The following PLEKHO2 variants were observed in gnomAD, a reference collection of about 807,000 sequenced individuals.
PLEKHO2 encodes the protein pleckstrin homology domain-containing family O member 2.
PLEKHO2 carries 20 observed loss-of-function variants against 32.7 expected under a neutral mutation model. The ratio of observed to expected loss-of-function variants is 0.61; its 90% CI spans 0.43 to 0.89. The LOEUF (loss-of-function observed/expected upper bound fraction) is 0.89. Ranked by LOEUF, PLEKHO2 falls within the 40% of genes least tolerant of loss-of-function variation. The probability of loss-of-function intolerance (pLI) is 0.00; values close to 1 mark genes in which losing one functional copy is unlikely to be tolerated. For missense variants in PLEKHO2, 568 were observed against 621.2 expected, an observed-to-expected ratio of 0.91 and a Z score of 0.91; for synonymous variants, 247 against 246.3, an observed-to-expected ratio of 1.00 and a Z score of -0.03.
intron 3 of PLEKHO2, among the ~76,000 whole-genome samples, chr15:64,858,402 G>A (rs72733258): frequency 0.017 from 2,539 of 152,276 alleles, 41 homozygotes; most frequent in South Asian, 0.028. Context: ...ACACCAGGGT[G>A]GAGGATGGGC....
In PLEKHO2 at chr15:64,848,588, T is replaced by G; in HGVS notation, c.13-5T>G. 1 of 1,614,136 alleles carries G rather than the reference T, an allele frequency of 6.2e-7. No homozygotes were observed. The highest frequency in any genetic ancestry group is 8.5e-7 in the Non-Finnish European group (1 of 1,180,002). The stretch of plus-strand genomic sequence containing the variant: ...CTCATGGTATGAACTGGTGCTGTGT[T>G]ACAGGGTGTGAAGGAAGCCGGTGAG... On this transcript the variant is annotated splice_region_variant and splice_polypyrimidine_tract_variant and intron_variant, in intron 1 of 5. Coordinates refer to ENST00000323544, the MANE Select transcript of PLEKHO2 (RefSeq NM_025201.5).
chr15:64,847,438 C>A (rs934690359), intron 1 of PLEKHO2, among the ~76,000 whole-genome samples: 19 of 152,188 alleles, frequency 1.2e-4, no homozygotes, highest in Non-Finnish European at 2.5e-4. Context: ...CTTCACCCCC[C>A]ACTTCACACT....
chr15:64,857,171 CCTT>C (rs1461697465), intron 3 of PLEKHO2, among the ~76,000 whole-genome samples: 1 of 152,186 alleles, frequency 6.6e-6, no homozygotes, highest in East Asian at 1.9e-4. Flanking sequence ...GCCATTTTGT[CCTT>C]AACCTTTTCC....
At chr15:64,843,771 G>T (rs142858090) in intron 1 of PLEKHO2, among the ~76,000 whole-genome samples, 1,845 of 152,000 alleles carry the variant, frequency 0.012, 38 homozygotes, top group African/African-American at 0.043. Context: ...GTAGACATGG[G>T]GTTTCTCCAT....
At position 64,848,687 on chromosome 15, in the gene PLEKHO2, G is replaced by A; in HGVS notation, c.107G>A (p.Trp36Ter). ...AGCAGTGGGGGCCTCCTGGGTTTCT[G>A]GAAAGACCGATATCTGCTCCTCTGC... The part of the protein sequence containing the change: ...KKSSGGLLGF[W>*]KDRYLLLCQA... Residue 36 changes from tryptophan to a stop codon, truncating the protein, a stop_gained, in exon 2 of 6, where the codon TGG (tryptophan) becomes TAG (stop). Transcript: ENST00000323544. LOFTEE classifies it high-confidence loss of function. The A allele has an allele frequency of 1.1e-5, 18 of 1,614,138 alleles. No homozygotes were observed. Among genetic ancestry groups the A allele is most frequent in the Non-Finnish European group, 1.5e-5 (18 of 1,180,026 alleles).
chr15:64,856,866 G>C (rs1272465982), intron 3 of PLEKHO2, among the ~76,000 whole-genome samples: 2 of 152,194 alleles, frequency 1.3e-5, no homozygotes, highest in Non-Finnish European at 2.9e-5. Flanking sequence ...CAGCAGCCTG[G>C]GTGTTCCCCG....
intron 5 of PLEKHO2, among the ~76,000 whole-genome samples, chr15:64,864,344 G>C (rs555502608): frequency 6.6e-6 from 1 of 152,278 alleles, no homozygotes; most frequent in African/African-American, 2.4e-5. Flanking sequence ...ACAGGCAAAA[G>C]CTGGAGAGAA....
At chr15:64,852,750 A>G (rs892348976) in intron 2 of PLEKHO2, among the ~76,000 whole-genome samples, 1 of 151,858 alleles carries the variant, frequency 6.6e-6, no homozygotes, top group Admixed American at 6.6e-5. Context: ...CCTCCTGAGT[A>G]GCTGGGACCA....
In PLEKHO2 at chr15:64,865,545, C is replaced by A. The variant is rs376816563; in HGVS notation, c.1130C>A (p.Pro377His). The change falls in exon 6 of 6, where the codon CCC becomes CAC. Residue 377 changes from proline to histidine, a missense_variant. Coordinates refer to ENST00000323544, the MANE Select transcript of PLEKHO2 (RefSeq NM_025201.5). ...GCAACAACATCCACAGCACTGCCCC[C>A]CTGGGACCTGCCACCTCAGTTCCAT... The part of the protein sequence containing the change: ...KDATTSTALP[P>H]WDLPPQFHPR... 2 of 1,614,156 alleles carry A rather than the reference C, an allele frequency of 1.2e-6. No homozygotes were observed. Among genetic ancestry groups the A allele is most frequent in the South Asian group, 1.1e-5 (1 of 91,092 alleles).
In PLEKHO2 at chr15:64,848,735, A is replaced by C; in HGVS notation, c.155A>C (p.Glu52Ala). 1 of 1,614,064 alleles carries C rather than the reference A, an allele frequency of 6.2e-7. No individual in the cohort carries two copies. Among genetic ancestry groups the C allele is most frequent in the African/African-American group, 1.3e-5 (1 of 75,006 alleles). The change falls in exon 2 of 6, where the codon GAG becomes GCG. Residue 52 changes from glutamate to alanine, a missense_variant. Glu to Ala is a moderately radical substitution (Grantham distance 107). Transcript: ENST00000323544. ...LLCQAQLLVY[E>A]NEDDQKCVET... is the part of the protein sequence containing the mutation. ...TGCCAGGCCCAGCTGCTGGTCTATG[A>C]GAATGAGGTGAGGACCTGCTTGGCC...
At chr15:64,852,282 T>A (rs2140340671) in intron 2 of PLEKHO2, among the ~76,000 whole-genome samples, 1 of 152,204 alleles carries the variant, frequency 6.6e-6, no homozygotes, top group East Asian at 1.9e-4. Context: ...ATTTTTCTGG[T>A]CCGTCTGTTT....
intron 1 of PLEKHO2, among the ~76,000 whole-genome samples, chr15:64,842,474 C>T (rs1255586120): frequency 1.3e-5 from 2 of 149,656 alleles, no homozygotes; most frequent in South Asian, 2.1e-4. Flanking sequence ...GGGTTCCTGT[C>T]TCAAGGATCG....
intron 1 of PLEKHO2, among the ~76,000 whole-genome samples, chr15:64,846,072 G>A (rs1291488935): frequency 6.6e-6 from 1 of 152,154 alleles, no homozygotes; most frequent in Non-Finnish European, 1.5e-5. Flanking sequence ...ATGTGGGGGT[G>A]GGGTTTCCCA....
intron 3 of PLEKHO2, among the ~76,000 whole-genome samples, chr15:64,855,958 T>A (rs182119872): frequency 0.013 from 1,869 of 146,470 alleles, 45 homozygotes; most frequent in African/African-American, 0.05. Flanking sequence ...ACCACAATGC[T>A]TTACTCATTG....
chr15:64,864,713 G>C (rs750482334), intron 5 of PLEKHO2, among the ~76,000 whole-genome samples, 186 bp from the exon 6 acceptor site: 19 of 152,296 alleles, frequency 1.2e-4, no homozygotes, highest in Middle Eastern at 3.4e-3. Flanking sequence ...GAAAGGAGAG[G>C]AAGATTCATC....
intron 1 of PLEKHO2, among the ~76,000 whole-genome samples, chr15:64,844,660 T>C (rs1201093025): frequency 2.0e-5 from 3 of 152,172 alleles, no homozygotes; most frequent in African/African-American, 7.2e-5. Context: ...TTCTGGGCTG[T>C]ACTTTCTCTT....
At chr15:64,848,466 G>T in intron 1 of PLEKHO2, 127 bp from the exon 2 acceptor site, 2 of 1,063,030 alleles carry the variant, frequency 1.9e-6, no homozygotes, top group Non-Finnish European at 2.8e-6. Context: ...GGGTTGTGGG[G>T]AAGCTCACAT....
intron 3 of PLEKHO2, among the ~76,000 whole-genome samples, chr15:64,855,312 T>C (rs1435167667): frequency 6.6e-6 from 1 of 152,116 alleles, no homozygotes; most frequent in Non-Finnish European, 1.5e-5. Flanking sequence ...CATCCCAGGC[T>C]GTAGTTGGAA....
intron 1 of PLEKHO2, among the ~76,000 whole-genome samples, chr15:64,845,435 G>A (rs893964782): frequency 1.3e-5 from 2 of 151,974 alleles, no homozygotes; most frequent in Non-Finnish European, 2.9e-5. Flanking sequence ...CCTGCCAAGG[G>A]GAGGGGCCCC....
Sources: gnomAD v4.1 joint callset for allele counts (sites outside exome capture counted in the v4.1 genomes callset) on GRCh38, gnomAD v4.1.1 for gene constraint, MANE v1.5 for transcripts, NCBI Gene and HGNC (gene_info 2026-07-23, HGNC 2026-07-21) for gene names.